Variants in SGMS1 observed in about 807,000 individuals in gnomAD.
SGMS1 encodes sphingomyelin synthase 1.
SGMS1 carries 13 observed loss-of-function variants against 46.2 expected under a neutral mutation model. That is an observed-to-expected ratio of 0.28 (90% confidence interval 0.18 to 0.45). SGMS1 has a LOEUF of 0.45. Ranked by LOEUF, SGMS1 falls within the 20% of genes least tolerant of loss-of-function variation. The probability of loss-of-function intolerance (pLI) is 1.00; values close to 1 mark genes in which losing one functional copy is unlikely to be tolerated. For synonymous variants in SGMS1, 203 were observed against 187.8 expected (o/e 1.08, Z -0.66); for missense variants, 324 against 519.9 (o/e 0.62, Z 3.66).
At chr10:50,457,550 T>TA (rs1837207979) in intron 5 of SGMS1, among the ~76,000 whole-genome samples, 1 of 152,152 alleles carries the variant, frequency 6.6e-6, no homozygotes, top group African/African-American at 2.4e-5. Flanking sequence ...ACCCAACAGT[T>TA]AGTCTTCCAA....
chr10:50,419,773 G>A (rs1258166564), intron 6 of SGMS1, among the ~76,000 whole-genome samples: 1 of 152,158 alleles, frequency 6.6e-6, no homozygotes, highest in East Asian at 1.9e-4. Flanking sequence ...CAAATTAAAC[G>A]TTCTTTGCTT....
intron 2 of SGMS1, among the ~76,000 whole-genome samples, chr10:50,543,192 A>C (rs923638267): frequency 1.5e-4 from 23 of 152,230 alleles, no homozygotes; most frequent in Non-Finnish European, 3.4e-4. Flanking sequence ...GCTGGAAAAA[A>C]AAATGAGTAT....
chr10:50,511,268 C>CACAG lies in SGMS1; in HGVS notation c.-498+8562_-498+8563insCTGT, dbSNP rs150531396. Among the ~76,000 whole-genome samples, 57 of 151,716 alleles carry CACAG rather than the reference C, an allele frequency of 3.8e-4. No individual in the cohort carries two copies. The South Asian group carries it at 4.6e-3, about 12-fold the overall frequency. ...ATTCATACACACACACACACACACA[C>CACAG]ACACACACACACACAGTGACAGACA... is the stretch of plus-strand genomic sequence containing the variant. On this transcript the variant is annotated intron_variant, in intron 3 of 10. Transcript: ENST00000361781.
At position 50,505,895 on chromosome 10, in the gene SGMS1, C is replaced by T. The variant is rs139190405; in HGVS notation, c.-498+13936G>A. 4.3e-3 allele frequency among the ~76,000 whole-genome samples: 648 copies of T among 152,236 alleles called. 2 individuals are homozygous for T. The highest frequency in any genetic ancestry group is 0.015 in the African/African-American group (608 of 41,532). On this transcript the variant is annotated intron_variant, in intron 3 of 10. Coordinates refer to ENST00000361781, the MANE Select transcript of SGMS1 (RefSeq NM_147156.4). ...TCCTCTAAAGAGAAAGGAGGGTGCC[C>T]GGCTGACCCCACTCCCACCCAAACC...
chr10:50,400,946 C>T (rs1055269873), intron 6 of SGMS1, among the ~76,000 whole-genome samples: 1 of 152,182 alleles, frequency 6.6e-6, no homozygotes, highest in Non-Finnish European at 1.5e-5. Flanking sequence ...CAGGCAACTG[C>T]AATGCCTCAA....
At chr10:50,507,355 T>C (rs1837715941) in intron 3 of SGMS1, among the ~76,000 whole-genome samples, 1 of 152,190 alleles carries the variant, frequency 6.6e-6, no homozygotes, top group African/African-American at 2.4e-5. Context: ...ACAAGCCCCT[T>C]TGTCTCTGAG....
rs142536915 is a variant in SGMS1, at chr10:50,589,814, G to A, written c.-589+339C>T. Reference sequence around the variant, plus strand: ...TGACTTTATTTCTATCAACAGTGAAGGGAGCATAACTCAGTTACACACTTC... The same window carrying A: ...TGACTTTATTTCTATCAACAGTGAAAGGAGCATAACTCAGTTACACACTTC... On this transcript the variant is annotated intron_variant, in intron 2 of 10. Coordinates refer to ENST00000361781, the MANE Select transcript of SGMS1 (RefSeq NM_147156.4). Among the ~76,000 whole-genome samples the A allele has an allele frequency of 5.9e-3, 905 of 152,258 alleles. 37 individuals carry two copies. The highest frequency in any genetic ancestry group is 0.055 in the Admixed American group (839 of 15,288).
intron 2 of SGMS1, among the ~76,000 whole-genome samples, chr10:50,571,169 A>C (rs367610176): frequency 1.3e-5 from 2 of 152,208 alleles, no homozygotes; most frequent in African/African-American, 4.8e-5. Flanking sequence ...CTGCCTAATA[A>C]ATTTTTTTAT....
At chr10:50,572,440 C>T (rs1406587572) in intron 2 of SGMS1, among the ~76,000 whole-genome samples, 1 of 152,100 alleles carries the variant, frequency 6.6e-6, no homozygotes, top group Non-Finnish European at 1.5e-5. Flanking sequence ...ACAGAATTCA[C>T]TGTTTCAAAT....
chr10:50,527,063 C>CAAAAAA (rs573386594), intron 2 of SGMS1, among the ~76,000 whole-genome samples: 3 of 90,798 alleles, frequency 3.3e-5, no homozygotes, highest in Non-Finnish European at 6.0e-5. Context: ...GACTCTGTCT[C>CAAAAAA]AAAAAAAAAA....
In SGMS1 at chr10:50,414,567, TG is replaced by T. The variant is rs1436533358; in HGVS notation, c.-232+18908del. ...CCGATTCTGCTTTAAGCACTTTACA[TG>T]GATTATATAATTTAATCCTTCAACA... On this transcript the variant is annotated intron_variant, in intron 6 of 10. Transcript: ENST00000361781. 2.0e-5 allele frequency among the ~76,000 whole-genome samples: 3 copies of T among 152,358 alleles called. No individual in the cohort carries two copies. In the East Asian group the frequency reaches 5.8e-4, roughly 29 times the overall value.
chr10:50,357,024 T>C (rs184871760), intron 6 of SGMS1, among the ~76,000 whole-genome samples: 35 of 151,426 alleles, frequency 2.3e-4, no homozygotes, highest in African/African-American at 7.8e-4. Flanking sequence ...TGTATACATA[T>C]GTAACAAACC....
intron 1 of SGMS1, among the ~76,000 whole-genome samples, chr10:50,592,069 C>T (rs1278993507): frequency 1.3e-5 from 2 of 152,182 alleles, no homozygotes; most frequent in African/African-American, 4.8e-5. Flanking sequence ...GGCTGCAACA[C>T]CTGCTCACAA....
chr10:50,616,343 C>T (rs1838797248), intron 1 of SGMS1, among the ~76,000 whole-genome samples: 1 of 151,996 alleles, frequency 6.6e-6, no homozygotes, highest in African/African-American at 2.4e-5. Flanking sequence ...ACCGTGTTGC[C>T]CAGACTGGCC....
intron 2 of SGMS1, among the ~76,000 whole-genome samples, chr10:50,576,205 G>C (rs543483824): frequency 6.6e-6 from 1 of 152,290 alleles, no homozygotes; most frequent in East Asian, 1.9e-4. Flanking sequence ...TGCTGAGGCA[G>C]CTCACCCTGC....
chr10:50,441,365 T>C (rs1849544899), intron 5 of SGMS1, among the ~76,000 whole-genome samples: 1 of 152,196 alleles, frequency 6.6e-6, no homozygotes, highest in Non-Finnish European at 1.5e-5. Context: ...AATCTCTATA[T>C]TTCAAATTCC....
At chr10:50,540,468 C>T (rs991834658) in intron 2 of SGMS1, among the ~76,000 whole-genome samples, 3 of 152,190 alleles carry the variant, frequency 2.0e-5, no homozygotes, top group African/African-American at 7.2e-5. Context: ...TAAGCATCCA[C>T]TATATGCCAG....
Position 50,553,921 on chromosome 10 carries a change from C to T in SGMS1, c.-588-34000G>A, listed in dbSNP as rs375795514. Among the ~76,000 whole-genome samples the T allele has an allele frequency of 3.3e-5, 5 of 152,176 alleles. No individual in the cohort carries two copies. The East Asian group carries it at 5.8e-4, about 18-fold the overall frequency. On this transcript the variant is annotated intron_variant, in intron 2 of 10. Coordinates refer to ENST00000361781, the MANE Select transcript of SGMS1 (RefSeq NM_147156.4). ...CAGATGAAATTATTCAGATAAGACC[C>T]AATAAAGGAAAGGCACAAGGCACCT... is the stretch of plus-strand genomic sequence containing the variant.
intron 6 of SGMS1, among the ~76,000 whole-genome samples, chr10:50,411,403 C>T (rs370544547): frequency 1.1e-4 from 17 of 152,156 alleles, no homozygotes; most frequent in Non-Finnish European, 2.2e-4. Context: ...AAAAACAATT[C>T]TATTTTTACA....
Sources: allele counts gnomAD v4.1 joint callset (sites outside exome capture counted in the v4.1 genomes callset), GRCh38; gene constraint gnomAD v4.1.1; transcripts MANE v1.5; gene names NCBI Gene and HGNC (gene_info 2026-07-23, HGNC 2026-07-21).